The following TRIB3 variants were observed in gnomAD, a reference collection of about 807,000 sequenced individuals.
TRIB3 encodes the protein tribbles homolog 3.
In TRIB3, 20 loss-of-function variants were observed where a neutral mutation model predicts 16.6. The observed-to-expected ratio is 1.20, with a 90% CI of 0.85 to 1.75. TRIB3 has a LOEUF of 1.75. Ranked by LOEUF, TRIB3 falls within the 40% of genes most tolerant of loss-of-function variation. The pLI is 0.00. For missense variants in TRIB3, 484 were observed against 488.9 expected (o/e 0.99, Z 0.10); for synonymous variants, 208 against 217.0 (o/e 0.96, Z 0.36).
chr20:382,596 T>G (rs573428319), intron 1 of TRIB3: 2 of 1,534,796 alleles, frequency 1.3e-6, no homozygotes, highest in Non-Finnish European at 1.7e-6. Context: ...GTGCTAATAA[T>G]GACCATTTCC....
chr20:381,880 C>T (rs536065678), intron 1 of TRIB3, among the ~76,000 whole-genome samples: 2 of 152,256 alleles, frequency 1.3e-5, no homozygotes, highest in African/African-American at 4.8e-5. Flanking sequence ...TGTGCTGTGC[C>T]TGCAGACCGG....
At chr20:382,428 C>T (rs935409189) in intron 1 of TRIB3, 6 of 1,145,236 alleles carry the variant, frequency 5.2e-6, no homozygotes, top group African/African-American at 4.6e-5. Context: ...TCTCCTGCTG[C>T]ACAGGGCACA....
intron 3 of TRIB3, among the ~76,000 whole-genome samples, chr20:394,199 T>C (rs898448676): frequency 9.9e-5 from 15 of 152,140 alleles, no homozygotes; most frequent in Admixed American, 6.5e-5. Flanking sequence ...CTTGGCTAAT[T>C]TTTGTATTTT....
At chr20:383,651 G>A (rs34353262) in intron 1 of TRIB3, among the ~76,000 whole-genome samples, 32,816 of 151,848 alleles carry the variant, frequency 0.22, 3,763 homozygotes, top group East Asian at 0.36. Context: ...CGTTGCCTAG[G>A]CTGGTCTTGA....
At position 381,006 on chromosome 20, in the gene TRIB3, A is replaced by T. The variant is rs1462093420; in HGVS notation, c.-164A>T. 7.5e-6 allele frequency: 1 copy of T among 133,634 alleles called. No individual in the cohort carries two copies. Among genetic ancestry groups the T allele is most frequent in the Admixed American group, 7.7e-5 (1 of 13,068 alleles). 8.3% of individuals were successfully genotyped at this position (133,634 alleles called of 1,614,324 possible). ...GGGCGCGCACGAGACTCGCAGCGGA[A>T]GTGGAGGCGGCTCCGCGCGCGTCCG... On this transcript the variant is annotated 5_prime_UTR_variant, in exon 1 of 4. In the 5' UTR this introduces an upstream ATG that the reference lacks. Coordinates refer to ENST00000217233, the MANE Select transcript of TRIB3 (RefSeq NM_021158.5).
At chr20:393,693 C>T (rs764047067) in intron 3 of TRIB3, among the ~76,000 whole-genome samples, 3 of 152,180 alleles carry the variant, frequency 2.0e-5, no homozygotes, top group Non-Finnish European at 4.4e-5. Flanking sequence ...GATGTTTTCT[C>T]ACAGTTAGAT....
At position 388,216 on chromosome 20, in the gene TRIB3, G is replaced by C; in HGVS notation, c.206G>C (p.Gly69Ala). The change falls in exon 2 of 4, where the codon GGG (glycine) becomes GCG (alanine). Residue 69 changes from glycine (G) to alanine (A), a missense_variant. Transcript: ENST00000217233. Reference protein sequence around the residue: ...ATAVATASRLGPYVLLEPEEG... With the variant: ...ATAVATASRLAPYVLLEPEEG... ...GCTGTGGCCACTGCCTCCCGTCTTGGGCCCTATGTCCTCCTGGAGCCCGAG... is the reference window on the plus strand; with the variant it reads ...GCTGTGGCCACTGCCTCCCGTCTTGCGCCCTATGTCCTCCTGGAGCCCGAG... 6.2e-7 allele frequency: 1 copy of C among 1,613,852 alleles called. No individual in the cohort carries two copies. Among genetic ancestry groups the C allele is most frequent in the South Asian group, 1.1e-5 (1 of 91,082 alleles).
At chr20:383,460 C>T (rs919154738) in intron 1 of TRIB3, among the ~76,000 whole-genome samples, 12 of 152,100 alleles carry the variant, frequency 7.9e-5, no homozygotes, top group Admixed American at 7.9e-4. Flanking sequence ...TTTTGTTTTG[C>T]TTTGTTTTGA....
At chr20:382,567 G>T in intron 1 of TRIB3, 1 of 1,535,742 alleles carries the variant, frequency 6.5e-7, no homozygotes, top group South Asian at 1.2e-5. Context: ...GCATCTTGCT[G>T]TGAAGAATAA....
At chr20:383,786 C>T (rs11905983) in intron 1 of TRIB3, among the ~76,000 whole-genome samples, 1 of 152,112 alleles carries the variant, frequency 6.6e-6, no homozygotes, top group South Asian at 2.1e-4. Context: ...AGAGGTGGTA[C>T]CTTTTATCCT....
chr20:386,282 A>G (rs566065291), intron 1 of TRIB3, among the ~76,000 whole-genome samples: 5 of 152,070 alleles, frequency 3.3e-5, no homozygotes, highest in African/African-American at 1.2e-4. Flanking sequence ...GAACAAGATC[A>G]TATCTCTCAT....
intron 1 of TRIB3, among the ~76,000 whole-genome samples, chr20:386,197 A>G (rs2014802249): frequency 6.6e-6 from 1 of 151,916 alleles, no homozygotes; most frequent in Non-Finnish European, 1.5e-5. Flanking sequence ...CTGCCCTCCA[A>G]ATTGACTGGA....
chr20:383,272 A>G (rs1459297423), intron 1 of TRIB3, among the ~76,000 whole-genome samples: 1 of 152,234 alleles, frequency 6.6e-6, no homozygotes. Context: ...TGGATGAAGT[A>G]TAATTTATGT....
intron 2 of TRIB3, among the ~76,000 whole-genome samples, chr20:389,566 C>T (rs921886179): frequency 6.6e-6 from 1 of 152,170 alleles, no homozygotes; most frequent in Non-Finnish European, 1.5e-5. Flanking sequence ...TTCACCTGGC[C>T]TCTTGTGCAC....
Position 391,418 on chromosome 20 carries a change from T to C in TRIB3, c.423T>C (p.His141=), listed in dbSNP as rs1413709136. The C allele has an allele frequency of 1.2e-6, 2 of 1,613,876 alleles. No individual in the cohort carries two copies. The highest frequency in any genetic ancestry group is 1.7e-5 in the Admixed American group (1 of 60,018). The change falls in exon 3 of 4, where the codon CAT becomes CAC. Residue 141 remains histidine (H), a synonymous_variant. Coordinates refer to ENST00000217233, the MANE Select transcript of TRIB3 (RefSeq NM_021158.5). ...QLLYAFFTRT[H]GDMHSLVRSR... ...TCTACGCCTTTTTCACTCGGACCCA[T>C]GGGGACATGCACAGCCTGGTGCGAA...
chr20:389,796 A>G (rs1182141539), intron 2 of TRIB3, among the ~76,000 whole-genome samples: 1 of 152,218 alleles, frequency 6.6e-6, no homozygotes, highest in African/African-American at 2.4e-5. Flanking sequence ...CCCTATGCCA[A>G]TGTGCACCAT....
At chr20:392,209 A>C (rs2015000382) in intron 3 of TRIB3, among the ~76,000 whole-genome samples, 1 of 152,134 alleles carries the variant, frequency 6.6e-6, no homozygotes, top group South Asian at 2.1e-4. Flanking sequence ...AAGGAAACTG[A>C]GGCCCAGAGA....
rs1261995869 is a variant in TRIB3 at position 391,398 on chromosome 20, G to A, written c.403G>A (p.Ala135Thr). ...CCTGGCTGGTACCCAGCTCCTCTAC[G>A]CCTTTTTCACTCGGACCCATGGGGA... is the stretch of plus-strand genomic sequence containing the variant. ...EVLAGTQLLY[A>T]FFTRTHGDMH... Residue 135 changes from alanine to threonine, a missense_variant, in exon 3 of 4, where the codon GCC (alanine) becomes ACC (threonine). Physicochemically the swap from Ala to Thr is moderately conservative, Grantham distance 58. Coordinates refer to ENST00000217233, the MANE Select transcript of TRIB3 (RefSeq NM_021158.5). 3.7e-6 allele frequency: 6 copies of A among 1,613,668 alleles called. No homozygotes were observed. The highest frequency in any genetic ancestry group is 3.3e-5 in the Admixed American group (2 of 59,988).
chr20:381,748 G>T (rs528752748), intron 1 of TRIB3, among the ~76,000 whole-genome samples: 2 of 152,086 alleles, frequency 1.3e-5, no homozygotes, highest in African/African-American at 4.8e-5. Context: ...GCCCTGGAGC[G>T]GGGGAGCCGA....
Sources: allele counts gnomAD v4.1 joint callset (sites outside exome capture counted in the v4.1 genomes callset), GRCh38; gene constraint gnomAD v4.1.1; transcripts MANE v1.5; gene names NCBI Gene and HGNC (gene_info 2026-07-23, HGNC 2026-07-21).